The following C12orf42 variants were observed in gnomAD, a reference collection of about 807,000 sequenced individuals.
The protein encoded by C12orf42 is chromosome 12 open reading frame 42.
In C12orf42, 25 loss-of-function variants were observed where a neutral mutation model predicts 21.6. The observed-to-expected ratio is 1.16, with a 90% confidence interval of 0.84 to 1.62. C12orf42 has a LOEUF of 1.62. Among genes scored for constraint, C12orf42 ranks in the 40% most tolerant of loss-of-function variants. The pLI, the probability that C12orf42 is intolerant of heterozygous loss-of-function variation, is 0.00. For synonymous variants in C12orf42, 174 were observed against 175.0 expected, an observed-to-expected ratio of 0.99 and a Z score of 0.05; for missense variants, 483 against 459.3, an observed-to-expected ratio of 1.05 and a Z score of -0.47.
At chr12:103,535,684 T>C in the C12orf42 span, among the ~76,000 whole-genome samples, 1 of 152,204 alleles carries the variant, frequency 6.6e-6, no homozygotes, top group South Asian at 2.1e-4. Flanking sequence ...TGAGATGCTA[T>C]ATGAAGCCAT....
the C12orf42 span, among the ~76,000 whole-genome samples, chr12:103,085,566 G>A: frequency 2.2e-4 from 33 of 150,264 alleles, no homozygotes; most frequent in South Asian, 2.3e-3. Flanking sequence ...TAGGTAAAAC[G>A]ACAATTAAGG....
intron 1 of C12orf42, among the ~76,000 whole-genome samples, chr12:103,480,667 C>T (rs1479173266): frequency 6.6e-6 from 1 of 151,420 alleles, no homozygotes; most frequent in Non-Finnish European, 1.5e-5. Flanking sequence ...CATTTTGATT[C>T]GTTAACCCAT....
At chr12:103,504,232 CG>C in the C12orf42 span, 1 of 153,542 alleles carries the variant, frequency 6.5e-6, no homozygotes, top group East Asian at 1.9e-4. Context: ...CCTGATCCAA[CG>C]GGACCTGAAT....
chr12:103,160,017 C>T, the C12orf42 span, among the ~76,000 whole-genome samples: 1 of 152,196 alleles, frequency 6.6e-6, no homozygotes, highest in Non-Finnish European at 1.5e-5. Context: ...AACAACAGGG[C>T]ACACTATTCA....
chr12:103,276,537 C>T (rs910438726), intron 5 of C12orf42, among the ~76,000 whole-genome samples: 1 of 152,164 alleles, frequency 6.6e-6, no homozygotes, highest in Admixed American at 6.5e-5. Context: ...GTGGTTCTGC[C>T]ATTGTGCTTT....
chr12:103,246,663 G>A (rs74529628), intron 10 of C12orf42, among the ~76,000 whole-genome samples: 3,421 of 152,124 alleles, frequency 0.022, 117 homozygotes, highest in African/African-American at 0.075. Flanking sequence ...TAAAGACATA[G>A]ACCTGAGTGA....
rs777053144 is a variant in C12orf42, at chr12:103,302,513, G to C, written c.678C>G (p.Ser226Arg). The C allele has an allele frequency of 6.2e-7, 1 of 1,612,992 alleles. No homozygotes were observed. Among genetic ancestry groups the C allele is most frequent in the Admixed American group, 1.7e-5 (1 of 60,004 alleles). Residue 226 changes from serine (S) to arginine (R), a missense_variant, in exon 6 of 6, where the codon AGC becomes AGG. Physicochemically the swap from Ser to Arg is moderately radical, Grantham distance 110. Coordinates refer to ENST00000548883, the MANE Select transcript of C12orf42 (RefSeq NM_198521.5). ...TGCTCTGCAGAGCGCCGGGCGTCTGGCTCCTCCTGCAGAGGCCGATGGCAG... is the reference window on the plus strand; with the variant it reads ...TGCTCTGCAGAGCGCCGGGCGTCTGCCTCCTCCTGCAGAGGCCGATGGCAG... ...PSTAIGLCRR[S>R]QTPGALQSTG...
chr12:103,053,294 A>C, the C12orf42 span, among the ~76,000 whole-genome samples: 2 of 152,022 alleles, frequency 1.3e-5, no homozygotes, highest in African/African-American at 4.8e-5. Context: ...GCACAATATC[A>C]CAAACAGGAT....
downstream of C12orf42, among the ~76,000 whole-genome samples, chr12:103,266,586 G>A (rs2035184206): frequency 6.6e-6 from 1 of 152,060 alleles, no homozygotes; most frequent in African/African-American, 2.4e-5. Flanking sequence ...ATGTGTAAAA[G>A]TGAGAGCTAT....
At chr12:103,226,420 T>C in the C12orf42 span, among the ~76,000 whole-genome samples, 6 of 152,186 alleles carry the variant, frequency 3.9e-5, no homozygotes, top group Admixed American at 3.9e-4. Context: ...TTTGACCTTT[T>C]AGGGTCTAGG....
intron 2 of C12orf42, chr12:103,456,164 G>T (rs74469806): frequency 6.6e-6 from 1 of 152,018 alleles, no homozygotes; most frequent in African/African-American, 2.4e-5. Context: ...TTTATATCCC[G>T]GGGCAATTGC....
At chr12:103,303,674 T>C (rs753311547) in intron 5 of C12orf42, among the ~76,000 whole-genome samples, 1 of 152,230 alleles carries the variant, frequency 6.6e-6, no homozygotes, top group Admixed American at 6.5e-5. Context: ...CTCTGTTCTA[T>C]GCCTAGTATG....
the C12orf42 span, among the ~76,000 whole-genome samples, chr12:103,546,702 G>A: frequency 6.6e-6 from 1 of 152,300 alleles, no homozygotes; most frequent in African/African-American, 2.4e-5. Flanking sequence ...GAATGACAGG[G>A]GTTAGGACAT....
At chr12:103,418,295 C>A (rs917297225) in intron 2 of C12orf42, among the ~76,000 whole-genome samples, 1 of 152,064 alleles carries the variant, frequency 6.6e-6, no homozygotes, top group African/African-American at 2.4e-5. Flanking sequence ...AGCCAGATAC[C>A]AGCAGGCATG....
At chr12:103,221,480 CATTT>C in the C12orf42 span, among the ~76,000 whole-genome samples, 3 of 152,220 alleles carry the variant, frequency 2.0e-5, no homozygotes, top group Non-Finnish European at 4.4e-5. Flanking sequence ...TCCATTTCAG[CATTT>C]AATCTTTTTT....
the C12orf42 span, among the ~76,000 whole-genome samples, chr12:103,080,766 C>T: frequency 1.3e-5 from 2 of 152,166 alleles, no homozygotes; most frequent in African/African-American, 4.8e-5. Context: ...TAATGGTCAA[C>T]ACTTTTATAC....
At chr12:103,405,658 C>T (rs1408313639) in intron 2 of C12orf42, among the ~76,000 whole-genome samples, 2 of 152,088 alleles carry the variant, frequency 1.3e-5, no homozygotes, top group Non-Finnish European at 2.9e-5. Context: ...TTTGTGGAAA[C>T]ATTTGCAAAA....
chr12:103,302,408 G>T lies in C12orf42; in HGVS notation c.783C>A (p.Ile261=), dbSNP rs754331709. ...PAGAQAHPDD[I]QSRLLGASGN... ...CGGACGCGCCCAGGAGTCTGCTTTG[G>T]ATGTCGTCGGGGTGTGCCTGAGCGC... is the stretch of plus-strand genomic sequence containing the variant. The change falls in exon 6 of 6, where the codon ATC becomes ATA. Residue 261 remains isoleucine (I), a synonymous_variant. Coordinates refer to ENST00000548883, the MANE Select transcript of C12orf42 (RefSeq NM_198521.5). 37 of 1,613,754 alleles carry T rather than the reference G, an allele frequency of 2.3e-5. No individual in the cohort carries two copies. Among genetic ancestry groups the T allele is most frequent in the Non-Finnish European group, 3.0e-5 (35 of 1,179,858 alleles).
chr12:103,201,875 C>T, the C12orf42 span, among the ~76,000 whole-genome samples: 2 of 152,050 alleles, frequency 1.3e-5, no homozygotes, highest in Non-Finnish European at 2.9e-5. Flanking sequence ...TTTTTGTTAA[C>T]ATCATTTGCA....
Sources: allele counts gnomAD v4.1 joint callset (sites outside exome capture counted in the v4.1 genomes callset), GRCh38; gene constraint gnomAD v4.1.1; transcripts MANE v1.5; gene names NCBI Gene and HGNC (gene_info 2026-07-23, HGNC 2026-07-21).